DGKB: variants seen among roughly 807,000 people sequenced by gnomAD.
DGKB encodes 90 kDa diacylglycerol kinase.
In DGKB, 67 loss-of-function variants were observed where a neutral mutation model predicts 114.3. The ratio of observed to expected loss-of-function variants is 0.59; its 90% CI spans 0.48 to 0.72. The LOEUF is 0.72. Among genes scored for constraint, DGKB ranks in the 30% least tolerant of loss-of-function variants. The pLI is 0.00. For missense variants in DGKB, 907 were observed against 975.2 expected, an observed-to-expected ratio of 0.93 and a Z score of 0.93; for synonymous variants, 398 against 323.1, an observed-to-expected ratio of 1.23 and a Z score of -2.49.
At chr7:14,713,810 C>T (rs1283364259) in intron 6 of DGKB, among the ~76,000 whole-genome samples, 1 of 151,386 alleles carries the variant, frequency 6.6e-6, no homozygotes, top group Non-Finnish European at 1.5e-5. Context: ...ATATTGATTC[C>T]CTATTGATTT....
At chr7:14,386,978 A>G (rs1820443271) in intron 21 of DGKB, among the ~76,000 whole-genome samples, 2 of 152,058 alleles carry the variant, frequency 1.3e-5, no homozygotes, top group African/African-American at 4.8e-5. Flanking sequence ...ATTAAGTACT[A>G]AATGGTACTT....
intron 1 of DGKB, among the ~76,000 whole-genome samples, chr7:14,864,968 T>C (rs1263701198): frequency 6.6e-6 from 1 of 152,136 alleles, no homozygotes; most frequent in Non-Finnish European, 1.5e-5. Flanking sequence ...CTAATGAGAA[T>C]GCCTTGCATG....
chr7:14,238,225 G>A (rs949680813), intron 23 of DGKB, among the ~76,000 whole-genome samples: 15 of 151,930 alleles, frequency 9.9e-5, no homozygotes, highest in African/African-American at 3.6e-4. Flanking sequence ...ATTGGATCAC[G>A]GGGAGGATTT....
intron 1 of DGKB, among the ~76,000 whole-genome samples, chr7:14,939,617 A>C: frequency 6.8e-6 from 1 of 147,924 alleles, no homozygotes; most frequent in South Asian, 2.1e-4. Flanking sequence ...ATGAAAATAT[A>C]ATACTTTTTT....
intron 25 of DGKB, among the ~76,000 whole-genome samples, chr7:14,167,929 T>G (rs1472643477): frequency 6.6e-6 from 1 of 152,158 alleles, no homozygotes; most frequent in African/African-American, 2.4e-5. Flanking sequence ...TTTCTCAAGA[T>G]ATGAATCACA....
At chr7:14,609,110 A>G (rs1039853344) in intron 16 of DGKB, among the ~76,000 whole-genome samples, 1 of 152,130 alleles carries the variant, frequency 6.6e-6, no homozygotes, top group African/African-American at 2.4e-5. Flanking sequence ...AGCCAAAGCA[A>G]GCCTAAGCTA....
At chr7:14,164,670 T>C (rs557050625) in intron 25 of DGKB, among the ~76,000 whole-genome samples, 7 of 152,314 alleles carry the variant, frequency 4.6e-5, no homozygotes, top group African/African-American at 1.7e-4. Flanking sequence ...ACAATAATGA[T>C]GTTGCTACAT....
upstream of DGKB, among the ~76,000 whole-genome samples, chr7:14,907,588 T>C (rs1170500792): frequency 1.3e-5 from 2 of 152,182 alleles, no homozygotes; most frequent in East Asian, 3.9e-4. Context: ...GGTAATGGTT[T>C]CCATAACTGT....
Position 14,901,467 on chromosome 7 carries a change from C to T in DGKB, c.-188+1125G>A, listed in dbSNP as rs375987894. Among the ~76,000 whole-genome samples, 15 of 152,308 alleles carry T rather than the reference C, an allele frequency of 9.8e-5. No homozygotes were observed. In the East Asian group the frequency reaches 2.7e-3, roughly 27 times the overall value. On this transcript the variant is annotated intron_variant, in intron 1 of 25. Transcript: ENST00000402815. ...TGGACGTATCCAGATTAAAATCTTA[C>T]ATTCTCTTTTAGGTAATTTCTGTTT... is the stretch of plus-strand genomic sequence containing the variant.
intron 23 of DGKB, among the ~76,000 whole-genome samples, chr7:14,260,177 A>T (rs1796565085): frequency 6.6e-6 from 1 of 151,938 alleles, no homozygotes. Context: ...CAAAATAAAT[A>T]ATTCATGTTG....
intron 13 of DGKB, 93 bp downstream of exon 13, chr7:14,672,834 TGA>T: frequency 1.5e-6 from 1 of 664,804 alleles, no homozygotes; most frequent in South Asian, 2.4e-5. Flanking sequence ...CTACCTTGAT[TGA>T]TGAAAAATTA....
At position 14,319,846 on chromosome 7, in the gene DGKB, A is replaced by G. The variant is rs571656269; in HGVS notation, c.2122+18669T>C. The stretch of plus-strand genomic sequence containing the variant: ...ACTTACAGCACTAAGAAAAAGTGCA[A>G]TGTTGGTACCTTGTCCCCATTCCTA... On this transcript the variant is annotated intron_variant, in intron 23 of 25. Coordinates refer to ENST00000402815, the MANE Select transcript of DGKB (RefSeq NM_001350709.2). Among the ~76,000 whole-genome samples, 377 of 152,332 alleles carry G rather than the reference A, an allele frequency of 2.5e-3. 1 individual carries two copies. The highest frequency in any genetic ancestry group is 4.7e-3 in the Admixed American group (72 of 15,304).
intron 6 of DGKB, among the ~76,000 whole-genome samples, chr7:14,714,178 G>A (rs1218109016): frequency 1.3e-5 from 2 of 151,854 alleles, no homozygotes; most frequent in Admixed American, 6.6e-5. Flanking sequence ...GAAGATTCAT[G>A]ATGCAGGGTA....
At chr7:14,784,406 A>G (rs1839571988) in intron 2 of DGKB, among the ~76,000 whole-genome samples, 1 of 135,352 alleles carries the variant, frequency 7.4e-6, no homozygotes, top group Non-Finnish European at 1.5e-5. Context: ...CTCACTCTGT[A>G]GCCCAGGCTG....
chr7:14,493,780 C>T (rs2128938193), intron 20 of DGKB, among the ~76,000 whole-genome samples: 1 of 152,072 alleles, frequency 6.6e-6, no homozygotes, highest in African/African-American at 2.4e-5. Flanking sequence ...TGGTTGACTG[C>T]AGTAACTGAA....
intron 17 of DGKB, among the ~76,000 whole-genome samples, chr7:14,605,716 G>A (rs1320735399): frequency 6.6e-6 from 1 of 151,756 alleles, no homozygotes; most frequent in East Asian, 1.9e-4. Context: ...AGAGAACAGG[G>A]CTAAAATCAA....
intron 23 of DGKB, among the ~76,000 whole-genome samples, chr7:14,278,620 C>T (rs1416600875): frequency 1.3e-5 from 2 of 151,896 alleles, no homozygotes; most frequent in Admixed American, 6.6e-5. Flanking sequence ...GCACAGTCAA[C>T]AAAAAGTAGA....
chr7:14,181,887 T>A (rs1782682241), intron 23 of DGKB, among the ~76,000 whole-genome samples: 1 of 152,194 alleles, frequency 6.6e-6, no homozygotes, highest in Non-Finnish European at 1.5e-5. Context: ...TTAGGTATTT[T>A]CACATTTAAA....
intron 16 of DGKB, among the ~76,000 whole-genome samples, chr7:14,612,993 C>T (rs950130726): frequency 4.6e-5 from 7 of 152,022 alleles, no homozygotes; most frequent in Admixed American, 1.3e-4. Context: ...TTCCTCAGTA[C>T]TGAATTATGA....
Sources: allele counts gnomAD v4.1 joint callset (sites outside exome capture counted in the v4.1 genomes callset), GRCh38; gene constraint gnomAD v4.1.1; transcripts MANE v1.5; gene names NCBI Gene and HGNC (gene_info 2026-07-23, HGNC 2026-07-21).